HACD3: variants seen among roughly 807,000 people sequenced by gnomAD.
HACD3 encodes 3-hydroxyacyl-CoA dehydratase 3.
HACD3 carries 30 observed loss-of-function variants against 55.2 expected under a neutral mutation model. That is an observed-to-expected ratio of 0.54 (90% CI 0.41 to 0.74). The LOEUF is 0.74. Among genes scored for constraint, HACD3 ranks in the 30% least tolerant of loss-of-function variants. HACD3 has a pLI of 0.00. For missense variants in HACD3, 363 were observed against 440.1 expected (o/e 0.82, Z 1.57); for synonymous variants, 141 against 151.7 (o/e 0.93, Z 0.52).
chr15:65,568,723 TC>T (rs1283051761), intron 7 of HACD3, among the ~76,000 whole-genome samples: 1 of 152,138 alleles, frequency 6.6e-6, no homozygotes, highest in African/African-American at 2.4e-5. Flanking sequence ...TCGAGAATAT[TC>T]TTTAAAGACG....
intron 1 of HACD3, among the ~76,000 whole-genome samples, chr15:65,538,773 T>C (rs1043262676): frequency 2.0e-5 from 3 of 152,214 alleles, no homozygotes; most frequent in African/African-American, 7.2e-5. Flanking sequence ...GTTGTCCTCC[T>C]TTAAGAAATT....
intron 5 of HACD3, among the ~76,000 whole-genome samples, chr15:65,561,100 T>G (rs1175005303): frequency 6.6e-6 from 1 of 152,208 alleles, no homozygotes; most frequent in African/African-American, 2.4e-5. Flanking sequence ...TTACTGTATC[T>G]GTCTCTTTGA....
intron 1 of HACD3, among the ~76,000 whole-genome samples, chr15:65,531,955 T>G (rs1342442098): frequency 1.3e-5 from 2 of 152,074 alleles, no homozygotes; most frequent in Non-Finnish European, 2.9e-5. Flanking sequence ...CATTTAACTC[T>G]CTCTGCCTCT....
intron 3 of HACD3, 29 bp from the exon 4 acceptor site, chr15:65,556,710 C>T (rs539879620): frequency 1.9e-6 from 3 of 1,580,228 alleles, no homozygotes; most frequent in Admixed American, 3.5e-5. Flanking sequence ...CAGAAGAGGG[C>T]ATTCTCACAT....
chr15:65,576,282 T>C, intron 10 of HACD3, 21 bp from the exon 11 acceptor site: 1 of 1,576,326 alleles, frequency 6.3e-7, no homozygotes, highest in Non-Finnish European at 8.6e-7. Context: ...TAATTTCTAA[T>C]TGACCTCTTT....
At chr15:65,560,896 C>G (rs914221128) in intron 5 of HACD3, among the ~76,000 whole-genome samples, 1 of 151,684 alleles carries the variant, frequency 6.6e-6, no homozygotes, top group South Asian at 2.1e-4. Flanking sequence ...GTTTTTTCAC[C>G]TTGAAAGTTT....
chr15:65,557,415 C>T (rs1596213156), intron 4 of HACD3, among the ~76,000 whole-genome samples: 1 of 151,824 alleles, frequency 6.6e-6, no homozygotes, highest in Admixed American at 6.6e-5. Flanking sequence ...GCGGGGCTTG[C>T]CGTGAGCCGA....
At chr15:65,547,235 G>C (rs2072086683) in intron 1 of HACD3, among the ~76,000 whole-genome samples, 1 of 152,014 alleles carries the variant, frequency 6.6e-6, no homozygotes, top group African/African-American at 2.4e-5. Flanking sequence ...TCCTGCCTCA[G>C]CCTCTTGAGT....
At chr15:65,537,021 G>A (rs1263252080) in intron 1 of HACD3, among the ~76,000 whole-genome samples, 1 of 152,180 alleles carries the variant, frequency 6.6e-6, no homozygotes, top group African/African-American at 2.4e-5. Flanking sequence ...TATGAAGAAA[G>A]TTTGAGTGGT....
At chr15:65,563,465 A>G (rs2072262381) in intron 6 of HACD3, among the ~76,000 whole-genome samples, 2 of 152,192 alleles carry the variant, frequency 1.3e-5, no homozygotes, top group Non-Finnish European at 2.9e-5. Flanking sequence ...AGGTAATAAA[A>G]TTTAGGAGAA....
intron 5 of HACD3, among the ~76,000 whole-genome samples, chr15:65,560,970 C>A (rs767749651): frequency 4.3e-4 from 66 of 152,190 alleles, no homozygotes; most frequent in Non-Finnish European, 7.9e-4. Flanking sequence ...GCTCTGAGGG[C>A]AGCCTTGAAC....
At chr15:65,542,974 T>C (rs759493976) in intron 1 of HACD3, among the ~76,000 whole-genome samples, 1 of 150,300 alleles carries the variant, frequency 6.7e-6, no homozygotes. Flanking sequence ...CTCAGGAGGC[T>C]GAGGCAGGAG....
intron 3 of HACD3, among the ~76,000 whole-genome samples, chr15:65,555,786 C>G (rs774366208): frequency 6.6e-6 from 1 of 152,214 alleles, no homozygotes; most frequent in Non-Finnish European, 1.5e-5. Flanking sequence ...CAATACAGTT[C>G]TGATCTTGAT....
chr15:65,556,556 ATCAG>A (rs1286554560), intron 3 of HACD3, among the ~76,000 whole-genome samples, 179 bp from the exon 4 acceptor site: 1 of 152,178 alleles, frequency 6.6e-6, no homozygotes, highest in African/African-American at 2.4e-5. Flanking sequence ...ATGGACCAGT[ATCAG>A]TCCATGGCCC....
In HACD3 at chr15:65,577,550, T is replaced by C. The variant is rs1465097955; in HGVS notation, c.*1171T>C. 6.6e-6 allele frequency: 1 copy of C among 152,232 alleles called. No homozygotes were observed. Among genetic ancestry groups the C allele is most frequent in the Non-Finnish European group, 1.5e-5 (1 of 68,074 alleles). 9.4% of individuals were successfully genotyped at this position (152,232 alleles called of 1,614,324 possible). ...ACTGGCAGTAACAGTGTACAGCCTT[T>C]GACAAACTAGAAATATTAGAGTAGG... On this transcript the variant is annotated 3_prime_UTR_variant, in exon 11 of 11. Transcript: ENST00000261875.
chr15:65,565,672 C>T (rs537015182), intron 7 of HACD3: 24 of 152,214 alleles, frequency 1.6e-4, no homozygotes, highest in African/African-American at 2.2e-4. Context: ...TGGGCCTCCG[C>T]GCCTGTGATG....
intron 5 of HACD3, among the ~76,000 whole-genome samples, chr15:65,559,309 C>G (rs2072223143): frequency 6.6e-6 from 1 of 152,070 alleles, no homozygotes; most frequent in Non-Finnish European, 1.5e-5. Context: ...GTGTGGCAAG[C>G]ATTGTGCTGG....
intron 1 of HACD3, among the ~76,000 whole-genome samples, chr15:65,532,809 T>A (rs1415460257): frequency 6.6e-6 from 1 of 152,174 alleles, no homozygotes; most frequent in African/African-American, 2.4e-5. Context: ...AGTGTTTACA[T>A]GTGTTAGCAA....
Position 65,570,080 on chromosome 15 carries a change from CT to C in HACD3, c.661-8del, listed in dbSNP as rs781050294. 1 of 1,551,094 alleles carries C rather than the reference CT, an allele frequency of 6.4e-7. No individual in the cohort carries two copies. The highest frequency in any genetic ancestry group is 1.2e-5 in the South Asian group (1 of 85,658). ...ATTAACTTTTTTCTCTCTTTTGGGT[CT>C]TTCTAATAGCTTCTTGGAAGAAATT... On this transcript the variant is annotated splice_polypyrimidine_tract_variant and intron_variant, in intron 7 of 10. Coordinates refer to ENST00000261875, the MANE Select transcript of HACD3 (RefSeq NM_016395.4).
Sources: gnomAD v4.1 joint callset for allele counts (sites outside exome capture counted in the v4.1 genomes callset) on GRCh38, gnomAD v4.1.1 for gene constraint, MANE v1.5 for transcripts, NCBI Gene and HGNC (gene_info 2026-07-23, HGNC 2026-07-21) for gene names.